COL19A1: variants seen among roughly 807,000 people sequenced by gnomAD.
COL19A1 encodes collagen alpha-1(XIX) chain.
In COL19A1, 159 loss-of-function variants were observed where a neutral mutation model predicts 190.2. That is an observed-to-expected ratio of 0.84 (90% CI 0.73 to 0.95). The LOEUF (loss-of-function observed/expected upper bound fraction) is 0.95. COL19A1 is among the 40% of genes least tolerant of loss of function. COL19A1 has a pLI of 0.00. For missense variants in COL19A1, 1,418 were observed against 1,431.9 expected (o/e 0.99, Z 0.16); for synonymous variants, 509 against 458.9 (o/e 1.11, Z -1.39).
intron 2 of COL19A1, chr6:69,879,911 A>G (rs548863059): frequency 1.0e-5 from 5 of 498,658 alleles, no homozygotes; most frequent in East Asian, 6.1e-5. Flanking sequence ...GTATACATAC[A>G]TGCATGTGTG....
At chr6:70,048,558 G>T (rs1042743989) in intron 14 of COL19A1, among the ~76,000 whole-genome samples, 1 of 152,042 alleles carries the variant, frequency 6.6e-6, no homozygotes, top group African/African-American at 2.4e-5. Flanking sequence ...TAAAATGATC[G>T]TTTGTGAATT....
chr6:69,969,636 G>A (rs537303831), intron 11 of COL19A1, among the ~76,000 whole-genome samples: 1 of 152,216 alleles, frequency 6.6e-6, no homozygotes, highest in East Asian at 1.9e-4. Context: ...ATTGTGTTAG[G>A]TATTATAAGT....
At chr6:69,917,124 TG>T (rs1771358272) in intron 4 of COL19A1, among the ~76,000 whole-genome samples, 1 of 152,244 alleles carries the variant, frequency 6.6e-6, no homozygotes. Flanking sequence ...AAGACACTTT[TG>T]GTGAAATATT....
At chr6:70,176,390 C>T (rs1010915166) in intron 41 of COL19A1, 130 bp from the exon 42 acceptor site, 1 of 807,606 alleles carries the variant, frequency 1.2e-6, no homozygotes, top group Non-Finnish European at 1.9e-6. Flanking sequence ...TTCACCCCAT[C>T]TAATATCAAT....
intron 17 of COL19A1, among the ~76,000 whole-genome samples, chr6:70,129,157 T>C (rs1785370737): frequency 6.6e-6 from 1 of 152,222 alleles, no homozygotes; most frequent in African/African-American, 2.4e-5. Context: ...ATTAAGGCTG[T>C]CTTGGTCAGT....
intron 4 of COL19A1, among the ~76,000 whole-genome samples, chr6:69,926,974 C>T (rs191743530): frequency 1.3e-4 from 20 of 152,036 alleles, no homozygotes; most frequent in Admixed American, 1.2e-3. Context: ...ACATAGTCAA[C>T]GTTTTGAAGG....
chr6:69,940,945 C>T (rs562226884), intron 9 of COL19A1, among the ~76,000 whole-genome samples: 12 of 152,250 alleles, frequency 7.9e-5, no homozygotes, highest in Admixed American at 7.2e-4. Context: ...ATAAAGAAGG[C>T]TTTCCTTCAT....
In COL19A1 at chr6:70,140,541, A is replaced by G. The variant is rs141561548; in HGVS notation, c.1447-413A>G. On this transcript the variant is annotated intron_variant, in intron 19 of 50. Coordinates refer to ENST00000620364, the MANE Select transcript of COL19A1 (RefSeq NM_001858.6). ...GTTTGTATATTTAAGCACACAATTA[A>G]CCAACTGGAAGAATTCAAGTGAATG... Among the ~76,000 whole-genome samples the G allele has an allele frequency of 3.8e-3, 583 of 152,216 alleles. 7 individuals carry two copies. Among genetic ancestry groups the G allele is most frequent in the African/African-American group, 0.013 (554 of 41,556 alleles).
Position 70,180,325 on chromosome 6 carries a change from C to T in COL19A1, c.2681C>T (p.Ala894Val). The T allele has an allele frequency of 6.2e-7, 1 of 1,614,110 alleles. No individual in the cohort carries two copies. Residue 894 changes from alanine (A) to valine (V), a missense_variant, in exon 43 of 51, where the codon GCC (alanine) becomes GTC (valine). Transcript: ENST00000620364. ...TTGCCTTGCCAGGGAAAACCTGGTG[C>T]CCCAGGGCCTCCAGGAGTTCCAGGG... ...GIAGMSGKPGAPGPPGVPGEP... is the reference protein window; with the variant it reads ...GIAGMSGKPGVPGPPGVPGEP...
intron 4 of COL19A1, among the ~76,000 whole-genome samples, chr6:69,911,077 T>A (rs1010915051): frequency 6.6e-6 from 1 of 152,216 alleles, no homozygotes; most frequent in Non-Finnish European, 1.5e-5. Context: ...CTGATTGGAC[T>A]CTGTGTATCA....
In COL19A1 at chr6:70,172,009, G is replaced by T; in HGVS notation, c.2614G>T (p.Gly872Cys). 6.2e-7 allele frequency: 1 copy of T among 1,610,620 alleles called. No individual in the cohort carries two copies. Among genetic ancestry groups the T allele is most frequent in the Non-Finnish European group, 8.5e-7 (1 of 1,178,984 alleles). ...MGLPGLEGFP[G>C]VKGDRGPAGP... The stretch of plus-strand genomic sequence containing the variant: ...GTTGCCAGGATTAGAAGGATTTCCA[G>T]GTGTAAAGGTAAGCACAGAAGTTAG... Residue 872 changes from glycine (G) to cysteine (C), a missense_variant, in exon 41 of 51, where the codon GGT (glycine) becomes TGT (cysteine). By Grantham distance (159) the Gly-to-Cys change is radical. Transcript: ENST00000620364.
At chr6:69,934,304 G>T in intron 7 of COL19A1, among the ~76,000 whole-genome samples, 1 of 151,852 alleles carries the variant, frequency 6.6e-6, no homozygotes. Flanking sequence ...CTACAGACTT[G>T]AAATACCTAG....
chr6:70,034,120 C>T (rs915044103), intron 12 of COL19A1, 125 bp from the exon 13 acceptor site: 28 of 703,264 alleles, frequency 4.0e-5, no homozygotes, highest in Middle Eastern at 5.1e-4. Flanking sequence ...CTCTATTTCT[C>T]TCTATACTAC....
At position 70,168,977 on chromosome 6, in the gene COL19A1, T is replaced by C. The variant is rs2296007; in HGVS notation, c.2568+296T>C. ...TGATAAATGGGGCACTTTCTTCTAATAGCCCTCTTCTGATAATTGATTCAA... is the reference window on the plus strand; with the variant it reads ...TGATAAATGGGGCACTTTCTTCTAACAGCCCTCTTCTGATAATTGATTCAA... On this transcript the variant is annotated intron_variant, in intron 40 of 50. Transcript: ENST00000620364. Among the ~76,000 whole-genome samples, 42,511 of 151,794 alleles carry C rather than the reference T, an allele frequency of 0.28. 6,014 individuals are homozygous for C. Among genetic ancestry groups the C allele is most frequent in the East Asian group, 0.32 (1,636 of 5,136 alleles).
rs555216641 is a variant in COL19A1, at chr6:70,159,399, T to G, written c.2293-2501T>G. ...TATGTAGAGCCTGCACATGCACACA[T>G]GCCCATGTATACACACATACACATA... is the stretch of plus-strand genomic sequence containing the variant. On this transcript the variant is annotated intron_variant, in intron 34 of 50. Transcript: ENST00000620364. Among the ~76,000 whole-genome samples, 12 of 151,694 alleles carry G rather than the reference T, an allele frequency of 7.9e-5. No individual in the cohort carries two copies. The East Asian group carries it at 2.3e-3, about 29-fold the overall frequency.
At chr6:70,201,292 G>A (rs972356052) in intron 49 of COL19A1, among the ~76,000 whole-genome samples, 1 of 152,172 alleles carries the variant, frequency 6.6e-6, no homozygotes, top group Non-Finnish European at 1.5e-5. Context: ...CCTGGCTTCA[G>A]ACACCTCACA....
At chr6:70,082,162 A>T (rs1323402486) in intron 15 of COL19A1, among the ~76,000 whole-genome samples, 1 of 152,200 alleles carries the variant, frequency 6.6e-6, no homozygotes, top group Non-Finnish European at 1.5e-5. Context: ...TATTTATTTC[A>T]TTGAGAGGTT....
chr6:70,130,879 G>A (rs1171103039), intron 18 of COL19A1, among the ~76,000 whole-genome samples: 1 of 152,234 alleles, frequency 6.6e-6, no homozygotes, highest in East Asian at 1.9e-4. Context: ...AATGCCTCAA[G>A]CCCAGGCTCA....
intron 17 of COL19A1, among the ~76,000 whole-genome samples, chr6:70,124,799 C>T (rs970575788): frequency 4.6e-5 from 7 of 152,140 alleles, no homozygotes; most frequent in Non-Finnish European, 1.0e-4. Flanking sequence ...TGCACTATAA[C>T]CATTTAGCAT....
Sources: allele counts gnomAD v4.1 joint callset (sites outside exome capture counted in the v4.1 genomes callset), GRCh38; gene constraint gnomAD v4.1.1; transcripts MANE v1.5; gene names NCBI Gene and HGNC (gene_info 2026-07-23, HGNC 2026-07-21).